The following GALNT8 variants were observed in gnomAD, a reference collection of about 807,000 sequenced individuals.
GALNT8 encodes the protein polypeptide N-acetylgalactosaminyltransferase 8.
Under a neutral mutation model 62.7 loss-of-function variants are expected in GALNT8, and 66 were observed. That is an observed-to-expected ratio of 1.05 (90% CI 0.86 to 1.29). The LOEUF is 1.29. GALNT8 is among the 50% of genes most tolerant of loss of function. The pLI, the probability that GALNT8 is intolerant of heterozygous loss-of-function variation, is 0.00. For missense variants in GALNT8, 771 were observed against 791.8 expected, an observed-to-expected ratio of 0.97 and a Z score of 0.32; for synonymous variants, 288 against 294.3, an observed-to-expected ratio of 0.98 and a Z score of 0.22.
chr12:4,753,843 A>T (rs1946332607), intron 6 of GALNT8, among the ~76,000 whole-genome samples: 1 of 152,162 alleles, frequency 6.6e-6, no homozygotes, highest in Non-Finnish European at 1.5e-5. Context: ...AAGGCTTTCC[A>T]GATATTCAAA....
At chr12:4,746,319 T>C in intron 6 of GALNT8, 61 bp downstream of exon 6, 1 of 931,602 alleles carries the variant, frequency 1.1e-6, no homozygotes, top group Non-Finnish European at 1.8e-6. Context: ...AGAAAGGTAG[T>C]AGGACCCCTG....
At chr12:4,754,009 C>T (rs1289594640) in intron 6 of GALNT8, among the ~76,000 whole-genome samples, 2 of 152,198 alleles carry the variant, frequency 1.3e-5, no homozygotes, top group African/African-American at 2.4e-5. Flanking sequence ...GACCCTTGTT[C>T]TCTTCCCTTA....
chr12:4,745,558 A>G lies in GALNT8; in HGVS notation c.990A>G (p.Glu330=), dbSNP rs371113811. The change falls in exon 5 of 11, where the codon GAA becomes GAG. Residue 330 remains glutamate (E), a synonymous_variant. Coordinates refer to ENST00000252318, the MANE Select transcript of GALNT8 (RefSeq NM_017417.2). ...YELAVDGFNW[E]LWCRYDALPQ... is the part of the protein sequence containing the mutation. ...TGGCAGTTGATGGGTTTAACTGGGA[A>G]CTCTGGTGCCGCTACGATGCACTGC... 1.2e-6 allele frequency: 2 copies of G among 1,613,940 alleles called. No individual in the cohort carries two copies. Among genetic ancestry groups the G allele is most frequent in the Non-Finnish European group, 1.7e-6 (2 of 1,179,874 alleles).
chr12:4,754,465 G>C (rs1946335666), intron 6 of GALNT8, among the ~76,000 whole-genome samples: 2 of 152,256 alleles, frequency 1.3e-5, no homozygotes, highest in South Asian at 4.1e-4. Flanking sequence ...TCCAAAGTTA[G>C]AGGCCAGTGC....
chr12:4,766,680 C>T lies in GALNT8; in HGVS notation c.1761+1134C>T, dbSNP rs962152672. Among the ~76,000 whole-genome samples, 4 of 152,086 alleles carry T rather than the reference C, an allele frequency of 2.6e-5. No individual in the cohort carries two copies. The East Asian group carries it at 7.7e-4, about 29-fold the overall frequency. On this transcript the variant is annotated intron_variant, in intron 10 of 10. Coordinates refer to ENST00000252318, the MANE Select transcript of GALNT8 (RefSeq NM_017417.2). ...GATGGGCTTGCTCCAAAAGCTTCTG[C>T]ACTCTTGGGCCAATTCATTAGGAAG... is the stretch of plus-strand genomic sequence containing the variant.
Position 4,746,147 on chromosome 12 carries a change from T to C in GALNT8, c.1062T>C (p.Ser354=). ...ACTCTTGCTGTGTGCTCTGTAGGAG[T>C]CCTTCAATCATGGGCATCCTGGCTG... ...DLHDVTAPVK[S]PSIMGILAAN... Residue 354 remains serine, a synonymous_variant, in exon 6 of 11, where the codon AGT becomes AGC. Coordinates refer to ENST00000252318, the MANE Select transcript of GALNT8 (RefSeq NM_017417.2). 1 of 1,583,772 alleles carries C rather than the reference T, an allele frequency of 6.3e-7. No homozygotes were observed. Among genetic ancestry groups the C allele is most frequent in the Non-Finnish European group, 8.7e-7 (1 of 1,152,552 alleles).
intron 2 of GALNT8, among the ~76,000 whole-genome samples, chr12:4,735,926 T>C (rs1256456830): frequency 6.6e-6 from 1 of 152,168 alleles, no homozygotes; most frequent in Non-Finnish European, 1.5e-5. Context: ...GGATAAAGAA[T>C]TCCAGCTCAA....
chr12:4,761,011 C>T lies in GALNT8; in HGVS notation c.1227C>T (p.His409=), dbSNP rs1229227614. Residue 409 remains histidine (H), a synonymous_variant, in exon 7 of 11, where the codon CAC becomes CAT. Transcript: ENST00000252318. The stretch of plus-strand genomic sequence containing the variant: ...TTTTGCCCTGTTCCCGGATTGCCCA[C>T]CTAGAGAGACACCACAAGCCCTACG... ...VEILPCSRIA[H]LERHHKPYAL... is the part of the protein sequence containing the mutation. 2 of 1,613,992 alleles carry T rather than the reference C, an allele frequency of 1.2e-6. No homozygotes were observed. The highest frequency in any genetic ancestry group is 3.3e-5 in the Admixed American group (2 of 60,006).
chr12:4,755,991 T>TG (rs1278052280), intron 6 of GALNT8, among the ~76,000 whole-genome samples: 1 of 152,154 alleles, frequency 6.6e-6, no homozygotes, highest in Non-Finnish European at 1.5e-5. Flanking sequence ...AGAGGGCAAA[T>TG]GGGACCATGT....
rs1391080924 is a variant in GALNT8 at position 4,739,342 on chromosome 12, A to G, written c.676+13A>G. On this transcript the variant is annotated intron_variant, in intron 3 of 10. Coordinates refer to ENST00000252318, the MANE Select transcript of GALNT8 (RefSeq NM_017417.2). ...TTCAGCTCAAATGGTGAGCAACGTG[A>G]TCAAAGAATAATTGTAAAAATGACC... 4 of 1,606,868 alleles carry G rather than the reference A, an allele frequency of 2.5e-6. No individual in the cohort carries two copies. The highest frequency in any genetic ancestry group is 1.3e-5 in the African/African-American group (1 of 74,746).
rs746889625 is a variant in GALNT8, at chr12:4,763,335, T to A, written c.1442T>A (p.Leu481Gln). Residue 481 changes from leucine to glutamine, a missense_variant, in exon 8 of 11, where the codon CTG becomes CAG. Transcript: ENST00000252318. Reference protein sequence around the residue: ...KLKCKTFDWYLKNVYPLLKPL... With the variant: ...KLKCKTFDWYQKNVYPLLKPL... Reference sequence around the variant, plus strand: ...AAATGTAAAACTTTTGACTGGTACCTGAAAAATGTTTATCCACTCTTGAAG... The same window carrying A: ...AAATGTAAAACTTTTGACTGGTACCAGAAAAATGTTTATCCACTCTTGAAG... 6.2e-7 allele frequency: 1 copy of A among 1,611,752 alleles called. No homozygotes were observed.
chr12:4,738,546 G>A (rs915383184), intron 2 of GALNT8, among the ~76,000 whole-genome samples: 2 of 152,108 alleles, frequency 1.3e-5, no homozygotes, highest in Non-Finnish European at 2.9e-5. Context: ...TATAAAGAAT[G>A]CTTACAAAAC....
chr12:4,769,806 C>A (rs1946415003), intron 10 of GALNT8, among the ~76,000 whole-genome samples: 1 of 152,074 alleles, frequency 6.6e-6, no homozygotes. Context: ...CATGGATGAT[C>A]TCAGAGGAGC....
Position 4,760,943 on chromosome 12 carries a change from G to T in GALNT8, c.1174-15G>T, listed in dbSNP as rs1345948009. 6.2e-7 allele frequency: 1 copy of T among 1,606,966 alleles called. No individual in the cohort carries two copies. Among genetic ancestry groups the T allele is most frequent in the African/African-American group, 1.3e-5 (1 of 74,526 alleles). On this transcript the variant is annotated splice_polypyrimidine_tract_variant and intron_variant, in intron 6 of 10. Transcript: ENST00000252318. Reference sequence around the variant, plus strand: ...GGCTGTGAAGCACGGGTGATTTTTTGGTCTTCTTCTGCAGGTGTGGCAGTG... The same window carrying T: ...GGCTGTGAAGCACGGGTGATTTTTTTGTCTTCTTCTGCAGGTGTGGCAGTG...
At chr12:4,730,860 T>C (rs1946218606) in intron 2 of GALNT8, among the ~76,000 whole-genome samples, 1 of 150,788 alleles carries the variant, frequency 6.6e-6, no homozygotes, top group Non-Finnish European at 1.5e-5. Context: ...AGATGATTTT[T>C]CTTTTCTTTT....
At chr12:4,757,301 A>T (rs547572142) in intron 6 of GALNT8, among the ~76,000 whole-genome samples, 1 of 152,246 alleles carries the variant, frequency 6.6e-6, no homozygotes, top group Non-Finnish European at 1.5e-5. Flanking sequence ...AATGTACCTC[A>T]TAAGAATGAT....
chr12:4,769,263 G>C (rs1946412728), intron 10 of GALNT8, among the ~76,000 whole-genome samples: 1 of 152,142 alleles, frequency 6.6e-6, no homozygotes, highest in Admixed American at 6.5e-5. Flanking sequence ...AAGTGGGGAG[G>C]GAGTGCTCCC....
chr12:4,746,520 T>C (rs575442483), intron 6 of GALNT8, among the ~76,000 whole-genome samples: 2 of 152,252 alleles, frequency 1.3e-5, no homozygotes, highest in East Asian at 3.9e-4. Flanking sequence ...CCTATTTCAC[T>C]TGAGGACTCT....
intron 6 of GALNT8, among the ~76,000 whole-genome samples, chr12:4,752,672 T>A (rs1440850927): frequency 6.6e-6 from 1 of 152,196 alleles, no homozygotes; most frequent in Non-Finnish European, 1.5e-5. Context: ...CGATTCATTA[T>A]TTAGACTTTC....
Sources: gnomAD v4.1 joint callset for allele counts (sites outside exome capture counted in the v4.1 genomes callset) on GRCh38, gnomAD v4.1.1 for gene constraint, MANE v1.5 for transcripts, NCBI Gene and HGNC (gene_info 2026-07-23, HGNC 2026-07-21) for gene names.